EEF1AKMT4: variants seen among roughly 807,000 people sequenced by gnomAD.
EEF1AKMT4 encodes eukaryotic translation elongation factor 1 alpha lysine specific methyltransferase 4.
EEF1AKMT4 carries 17 observed loss-of-function variants against 23.0 expected under a neutral mutation model. That is an observed-to-expected ratio of 0.74 (90% CI 0.51 to 1.11). EEF1AKMT4 has a LOEUF of 1.11. EEF1AKMT4 is among the 50% of genes least tolerant of loss of function. The pLI, the probability that EEF1AKMT4 is intolerant of heterozygous loss-of-function variation, is 0.00. For missense variants in EEF1AKMT4, 318 were observed against 333.4 expected (o/e 0.95, Z 0.36); for synonymous variants, 140 against 141.4 (o/e 0.99, Z 0.07).
Position 184,257,600 on chromosome 3 carries a change from C to G in EEF1AKMT4, c.324C>G (p.Arg108=), listed in dbSNP as rs142478525. 12 of 1,614,078 alleles carry G rather than the reference C, an allele frequency of 7.4e-6. No individual in the cohort carries two copies. In the Admixed American group the frequency reaches 1.3e-4, roughly 18 times the overall value. ...GCCATGCCCATGTGCCGCAGCTGCG[C>G]TGGGAGACCATGGATGTGCGGAAGC... ...QARHAHVPQL[R]WETMDVRKLD... is the part of the protein sequence containing the mutation. Residue 108 remains arginine (R), a synonymous_variant, in exon 2 of 3, where the codon CGC becomes CGG. Coordinates refer to ENST00000324557, the MANE Select transcript of EEF1AKMT4 (RefSeq NM_032331.4).
At chr3:184,250,074 G>A (rs1237348592) in intron 1 of EEF1AKMT4, among the ~76,000 whole-genome samples, 184 bp downstream of exon 1, 1 of 152,238 alleles carries the variant, frequency 6.6e-6, no homozygotes, top group African/African-American at 2.4e-5. Context: ...GTAAGAGATT[G>A]TTGGTCCCGG....
chr3:184,249,859 G>T lies in EEF1AKMT4; in HGVS notation c.165G>T (p.Glu55Asp), dbSNP rs1273438300. The T allele has an allele frequency of 6.2e-7, 1 of 1,612,758 alleles. No homozygotes were observed. The highest frequency in any genetic ancestry group is 8.5e-7 in the Non-Finnish European group (1 of 1,179,790). Residue 55 changes from glutamate (E) to aspartate (D), a missense_variant, in exon 1 of 3, where the codon GAG (glutamate) becomes GAT (aspartate). Coordinates refer to ENST00000324557, the MANE Select transcript of EEF1AKMT4 (RefSeq NM_032331.4). Reference protein sequence around the residue: ...FSSFRALLEPELRPEDRILVL... With the variant: ...FSSFRALLEPDLRPEDRILVL... ...CCTTCCGTGCCCTCCTAGAGCCGGA[G>T]CTGCGGCCCGAGGACCGTATCCTTG...
Position 184,249,678 on chromosome 3 carries a change from G to A in EEF1AKMT4, c.-17G>A, listed in dbSNP as rs559606291. On this transcript the variant is annotated 5_prime_UTR_variant, in exon 1 of 3. Transcript: ENST00000324557. ...GGCTGAAGGGCCGGCGGCTCTGGCT[G>A]CCCGGCGGTTGAGAGCATGGCCTCT... 12 of 1,578,074 alleles carry A rather than the reference G, an allele frequency of 7.6e-6. No individual in the cohort carries two copies. The East Asian group carries it at 1.1e-4, about 15-fold the overall frequency.
At chr3:184,258,143 G>T (rs1365514544) in intron 2 of EEF1AKMT4, 145 bp from the exon 3 acceptor site, 3 of 792,882 alleles carry the variant, frequency 3.8e-6, no homozygotes, top group African/African-American at 3.4e-5. Flanking sequence ...GGCAGAGAAA[G>T]TGGCTCACTC....
In EEF1AKMT4 at chr3:184,249,885, T is replaced by C. The variant is rs982544993; in HGVS notation, c.191T>C (p.Val64Ala). 2 of 1,608,356 alleles carry C rather than the reference T, an allele frequency of 1.2e-6. No homozygotes were observed. Among genetic ancestry groups the C allele is most frequent in the East Asian group, 2.2e-5 (1 of 44,722 alleles). ...PELRPEDRIL[V>A]LGCGNSALSY... ...CTGCGGCCCGAGGACCGTATCCTTG[T>C]GCTAGGTGGGTAATCCCGGCGCGGC... The change falls in exon 1 of 3, where the codon GTG becomes GCG. Residue 64 changes from valine (V) to alanine (A), a missense_variant. Val to Ala is a moderately conservative substitution (Grantham distance 64). Transcript: ENST00000324557.
At position 184,255,280 on chromosome 3, in the gene EEF1AKMT4, C is replaced by A. The variant is rs547394273; in HGVS notation, c.197-2193C>A. ...CCCCCATCCCATGTGCTGTATCTATCATGGCTTTTTGTGGCTTCAACTTTG... is the reference window on the plus strand; with the variant it reads ...CCCCCATCCCATGTGCTGTATCTATAATGGCTTTTTGTGGCTTCAACTTTG... On this transcript the variant is annotated intron_variant, in intron 1 of 2. Coordinates refer to ENST00000324557, the MANE Select transcript of EEF1AKMT4 (RefSeq NM_032331.4). Among the ~76,000 whole-genome samples, 11 of 152,304 alleles carry A rather than the reference C, an allele frequency of 7.2e-5. No homozygotes were observed. In the East Asian group the frequency reaches 2.1e-3, roughly 29 times the overall value.
At chr3:184,257,812 G>A in intron 2 of EEF1AKMT4, 56 bp downstream of exon 2, 2 of 1,552,372 alleles carry the variant, frequency 1.3e-6, no homozygotes, top group South Asian at 2.5e-5. Flanking sequence ...CGGGGTTGAG[G>A]TTTCAGGGGA....
chr3:184,249,949 C>A, intron 1 of EEF1AKMT4, 59 bp downstream of exon 1: 1 of 1,558,524 alleles, frequency 6.4e-7, no homozygotes, highest in Non-Finnish European at 8.7e-7. Flanking sequence ...GCCGCATGGG[C>A]TTGGCCTGGT....
intron 2 of EEF1AKMT4, 39 bp from the exon 3 acceptor site, chr3:184,258,249 A>G (rs997860900): frequency 3.1e-5 from 48 of 1,560,618 alleles, no homozygotes; most frequent in Non-Finnish European, 4.0e-5. Context: ...GAACCTGAAG[A>G]TCCACTTCTC....
intron 1 of EEF1AKMT4, among the ~76,000 whole-genome samples, chr3:184,252,685 G>A (rs1322416672): frequency 1.3e-5 from 2 of 152,170 alleles, no homozygotes; most frequent in African/African-American, 4.8e-5. Context: ...GCTCACGCCT[G>A]TAATCCCACC....
At chr3:184,249,935 C>A in intron 1 of EEF1AKMT4, 45 bp downstream of exon 1, 1 of 1,587,402 alleles carries the variant, frequency 6.3e-7, no homozygotes, top group East Asian at 2.3e-5. Flanking sequence ...CTGGCAGGAC[C>A]GGCGCCGCAT....
chr3:184,256,747 C>T (rs111506986), intron 1 of EEF1AKMT4, among the ~76,000 whole-genome samples: 2,271 of 151,624 alleles, frequency 0.015, 26 homozygotes, highest in Non-Finnish European at 0.023. Flanking sequence ...CTTGGCTCAC[C>T]GCAATCTCCG....
At chr3:184,254,732 C>T (rs1017727698) in intron 1 of EEF1AKMT4, among the ~76,000 whole-genome samples, 1 of 151,876 alleles carries the variant, frequency 6.6e-6, no homozygotes, top group Non-Finnish European at 1.5e-5. Flanking sequence ...TTTAGATTTC[C>T]TATAAAGAGA....
chr3:184,257,346 C>T, intron 1 of EEF1AKMT4, 127 bp from the exon 2 acceptor site: 2 of 964,964 alleles, frequency 2.1e-6, no homozygotes, highest in Non-Finnish European at 1.5e-6. Flanking sequence ...CTGCACTCTG[C>T]CACCTCCTCT....
chr3:184,249,773 G>A lies in EEF1AKMT4; in HGVS notation c.79G>A (p.Asp27Asn). 6.2e-7 allele frequency: 1 copy of A among 1,613,288 alleles called. No homozygotes were observed. The highest frequency in any genetic ancestry group is 8.5e-7 in the Non-Finnish European group (1 of 1,180,004). The change falls in exon 1 of 3, where the codon GAT becomes AAT. Residue 27 changes from aspartate (D) to asparagine (N), a missense_variant. Asp to Asn is a conservative substitution (Grantham distance 23). Coordinates refer to ENST00000324557, the MANE Select transcript of EEF1AKMT4 (RefSeq NM_032331.4). Reference sequence around the variant, plus strand: ...CGGGTACCGCGAAGTCGAGTACTGGGATCAGCGCTACCAAGGCGCAGCCGA... The same window carrying A: ...CGGGTACCGCGAAGTCGAGTACTGGAATCAGCGCTACCAAGGCGCAGCCGA... ...NCGYREVEYW[D>N]QRYQGAADSA... is the part of the protein sequence containing the mutation.
chr3:184,257,313 C>T (rs780009800), intron 1 of EEF1AKMT4, among the ~76,000 whole-genome samples, 160 bp from the exon 2 acceptor site: 2 of 152,218 alleles, frequency 1.3e-5, no homozygotes, highest in East Asian at 1.9e-4. Flanking sequence ...CAGGCCTGTG[C>T]GATTCCAAGG....
intron 1 of EEF1AKMT4, among the ~76,000 whole-genome samples, chr3:184,256,520 A>G (rs1047334527): frequency 1.3e-5 from 2 of 152,224 alleles, no homozygotes; most frequent in South Asian, 4.2e-4. Flanking sequence ...TCCTAATGAT[A>G]CCAGTATTAT....
intron 1 of EEF1AKMT4, among the ~76,000 whole-genome samples, chr3:184,256,272 C>CAAAAAAA (rs59087969): frequency 4.4e-4 from 24 of 54,186 alleles, no homozygotes; most frequent in Middle Eastern, 0.011. Context: ...AACTCCATCT[C>CAAAAAAA]AAAAAAAAAA....
chr3:184,252,561 A>C (rs1719606670), intron 1 of EEF1AKMT4, among the ~76,000 whole-genome samples: 1 of 152,206 alleles, frequency 6.6e-6, no homozygotes, highest in Non-Finnish European at 1.5e-5. Flanking sequence ...CCAAACAAGT[A>C]AATTTTTTAG....
Sources: gnomAD v4.1 joint callset for allele counts (sites outside exome capture counted in the v4.1 genomes callset) on GRCh38, gnomAD v4.1.1 for gene constraint, MANE v1.5 for transcripts, NCBI Gene and HGNC (gene_info 2026-07-23, HGNC 2026-07-21) for gene names.